The following IRAG1 variants were observed in gnomAD, a reference collection of about 807,000 sequenced individuals.
IRAG1 encodes inositol 1,4,5-triphosphate receptor associated 1.
Under a neutral mutation model 106.2 loss-of-function variants are expected in IRAG1, and 62 were observed. That is an observed-to-expected ratio of 0.58 (90% CI 0.48 to 0.72). The LOEUF (loss-of-function observed/expected upper bound fraction) is 0.72. IRAG1 is among the 30% of genes least tolerant of loss of function. The probability of loss-of-function intolerance (pLI) is 0.00; values close to 1 mark genes in which losing one functional copy is unlikely to be tolerated. For synonymous variants in IRAG1, 462 were observed against 443.9 expected (o/e 1.04, Z -0.51); for missense variants, 1,064 against 1,140.7 (o/e 0.93, Z 0.97).
At chr11:10,586,522 A>G (rs1455513151) in intron 18 of IRAG1, among the ~76,000 whole-genome samples, 1 of 151,008 alleles carries the variant, frequency 6.6e-6, no homozygotes, top group Non-Finnish European at 1.5e-5. Context: ...GGTTCAAGCG[A>G]TTCTCCTGCC....
At chr11:10,581,819 C>A in intron 19 of IRAG1, 48 bp downstream of exon 19, 3 of 1,593,696 alleles carry the variant, frequency 1.9e-6, no homozygotes, top group Non-Finnish European at 2.6e-6. Context: ...GGGAAGGCAT[C>A]TTCTGAGAAC....
At position 10,623,784 on chromosome 11, in the gene IRAG1, C is replaced by G; in HGVS notation, c.1441G>C (p.Glu481Gln). 1.2e-6 allele frequency: 2 copies of G among 1,614,032 alleles called. No individual in the cohort carries two copies. Among genetic ancestry groups the G allele is most frequent in the Non-Finnish European group, 1.7e-6 (2 of 1,179,890 alleles). Residue 481 changes from glutamate (E) to glutamine (Q), a missense_variant, in exon 10 of 21, where the codon GAA (glutamate) becomes CAA (glutamine). Coordinates refer to ENST00000423302, the MANE Select transcript of IRAG1 (RefSeq NM_130385.4). Reference protein sequence around the residue: ...LPDLSEAAEQEKGLPSELSPA... With the variant: ...LPDLSEAAEQQKGLPSELSPA... Reference sequence around the variant, plus strand: ...CTGCCCCAACCCCACCTACCTTTTTCCTGCTCAGCTGCTTCACTAAGGTCT... The same window carrying G: ...CTGCCCCAACCCCACCTACCTTTTTGCTGCTCAGCTGCTTCACTAAGGTCT...
intron 2 of IRAG1, among the ~76,000 whole-genome samples, chr11:10,648,801 G>A (rs1379124253): frequency 6.9e-6 from 1 of 145,768 alleles, no homozygotes; most frequent in Admixed American, 6.6e-5. Context: ...GTGTATCTGC[G>A]TGTGTGTCTG....
At chr11:10,593,915 G>T in intron 16 of IRAG1, 3 of 581,578 alleles carry the variant, frequency 5.2e-6, no homozygotes, top group Non-Finnish European at 9.2e-6. Context: ...CAATATGAAG[G>T]CTTATGATCA....
chr11:10,626,473 T>C lies in IRAG1; in HGVS notation c.861A>G (p.Ile287Met). ...GGGGATCGAAGTTTTCCTTTTGTTC[T>C]ATTGCAATCTCTTTGGACTTCTCAA... ...PPVEKSKEIA[I>M]EQKENFDPLQ... The change falls in exon 9 of 21, where the codon ATA becomes ATG. Residue 287 changes from isoleucine (I) to methionine (M), a missense_variant. Physicochemically the swap from Ile to Met is conservative, Grantham distance 10 (BLOSUM62 1). Transcript: ENST00000423302. 1 of 1,613,808 alleles carries C rather than the reference T, an allele frequency of 6.2e-7. No homozygotes were observed. The highest frequency in any genetic ancestry group is 8.5e-7 in the Non-Finnish European group (1 of 1,179,804).
chr11:10,645,987 G>A (rs1480766587), intron 2 of IRAG1, among the ~76,000 whole-genome samples: 1 of 152,204 alleles, frequency 6.6e-6, no homozygotes, highest in African/African-American at 2.4e-5. Flanking sequence ...TTAGTTTCTA[G>A]ATGAGGAAAC....
chr11:10,626,678 C>A, intron 8 of IRAG1, 95 bp from the exon 9 acceptor site: 5 of 1,389,288 alleles, frequency 3.6e-6, no homozygotes, highest in Non-Finnish European at 4.8e-6. Flanking sequence ...CCCCACACAC[C>A]TTGCCAAGGG....
intron 18 of IRAG1, among the ~76,000 whole-genome samples, chr11:10,588,308 T>A (rs1004380629): frequency 6.6e-6 from 1 of 152,206 alleles, no homozygotes; most frequent in African/African-American, 2.4e-5. Context: ...ACCCTTTAGA[T>A]TTTTACTTTA....
chr11:10,676,989 A>G (rs2135155086), intron 1 of IRAG1, among the ~76,000 whole-genome samples: 1 of 152,242 alleles, frequency 6.6e-6, no homozygotes, highest in African/African-American at 2.4e-5. Flanking sequence ...CTGTTCTCAA[A>G]CACAGGCTTA....
chr11:10,581,888 T>C lies in IRAG1; in HGVS notation c.2339A>G (p.Glu780Gly). ...ELSQETKARM[E>G]EEAYSKGFQE... is the part of the protein sequence containing the mutation. ...TCACCCCTTGCTGTAGGCTTCTTCC[T>C]CCATCCTGGCCTTGGTCTCCTGACT... is the stretch of plus-strand genomic sequence containing the variant. Residue 780 changes from glutamate (E) to glycine (G), a missense_variant, in exon 19 of 21, where the codon GAG becomes GGG. By Grantham distance (98) the Glu-to-Gly change is moderately conservative. Coordinates refer to ENST00000423302, the MANE Select transcript of IRAG1 (RefSeq NM_130385.4). 1 of 1,613,800 alleles carries C rather than the reference T, an allele frequency of 6.2e-7. No individual in the cohort carries two copies. Among genetic ancestry groups the C allele is most frequent in the Non-Finnish European group, 8.5e-7 (1 of 1,179,736 alleles).
At chr11:10,682,202 C>T (rs2135213625) in intron 1 of IRAG1, among the ~76,000 whole-genome samples, 1 of 152,294 alleles carries the variant, frequency 6.6e-6, no homozygotes, top group South Asian at 2.1e-4. Context: ...CAATAAATGA[C>T]AGTAATTTAC....
intron 15 of IRAG1, among the ~76,000 whole-genome samples, chr11:10,598,389 T>C (rs1219540589): frequency 2.0e-5 from 3 of 152,266 alleles, no homozygotes; most frequent in African/African-American, 7.2e-5. Flanking sequence ...CAAAAGATTT[T>C]CAAGTTTTCC....
At chr11:10,619,913 A>C (rs910841437) in intron 10 of IRAG1, among the ~76,000 whole-genome samples, 3 of 152,184 alleles carry the variant, frequency 2.0e-5, no homozygotes, top group African/African-American at 7.2e-5. Flanking sequence ...TTTGGTGCTT[A>C]TAGGAGTCAC....
intron 1 of IRAG1, among the ~76,000 whole-genome samples, chr11:10,658,770 G>C (rs534474166): frequency 8.7e-4 from 130 of 150,168 alleles, no homozygotes; most frequent in African/African-American, 3.0e-3. Flanking sequence ...TCCCAGGTCC[G>C]TGCTGTGCTT....
chr11:10,654,532 C>A (rs971004135), intron 1 of IRAG1, among the ~76,000 whole-genome samples: 34 of 152,150 alleles, frequency 2.2e-4, no homozygotes, highest in Admixed American at 5.2e-4. Flanking sequence ...TCTTTCACTG[C>A]CAAAATTTTA....
At chr11:10,678,837 TG>T (rs1375715444) in intron 1 of IRAG1, among the ~76,000 whole-genome samples, 1 of 152,170 alleles carries the variant, frequency 6.6e-6, no homozygotes, top group African/African-American at 2.4e-5. Context: ...TTACCTTTTC[TG>T]GGTCTTCTGT....
At chr11:10,607,793 G>A (rs1240899268) in intron 11 of IRAG1, among the ~76,000 whole-genome samples, 1 of 152,152 alleles carries the variant, frequency 6.6e-6, no homozygotes, top group Non-Finnish European at 1.5e-5. Context: ...TGATATGAGT[G>A]CCTTCCTGTC....
chr11:10,617,560 T>C (rs1007932991), intron 10 of IRAG1, among the ~76,000 whole-genome samples: 12 of 152,226 alleles, frequency 7.9e-5, no homozygotes, highest in African/African-American at 1.9e-4. Context: ...GTTAAAGTGA[T>C]TTACTAGGGT....
At chr11:10,687,757 G>A (rs954738039) in intron 1 of IRAG1, 1 of 1,289,088 alleles carries the variant, frequency 7.8e-7, no homozygotes, top group Non-Finnish European at 1.0e-6. Context: ...ACCCAGTGCA[G>A]AAGTCTTCTT....
Sources: allele counts gnomAD v4.1 joint callset (sites outside exome capture counted in the v4.1 genomes callset), GRCh38; gene constraint gnomAD v4.1.1; transcripts MANE v1.5; gene names NCBI Gene and HGNC (gene_info 2026-07-23, HGNC 2026-07-21).